Variants in LTAP1 observed in about 807,000 individuals in gnomAD.
The protein encoded by LTAP1 is HCV NS5A-transactivated protein 4.
chr1:154,220,424 G>A, the LTAP1 span: 2 of 1,614,148 alleles, frequency 1.2e-6, no homozygotes, highest in African/African-American at 1.3e-5. Context: ...CCTACCTCGC[G>A]CAGAATTGTT....
chr1:154,211,321 ATTCT>A, the LTAP1 span, among the ~76,000 whole-genome samples: 1 of 92,824 alleles, frequency 1.1e-5, no homozygotes, highest in African/African-American at 4.7e-5. Flanking sequence ...ATGTTATTTA[ATTCT>A]TTTTTTTTTT....
the LTAP1 span, among the ~76,000 whole-genome samples, chr1:154,215,645 TCTTAC>T: frequency 6.6e-6 from 1 of 152,026 alleles, no homozygotes; most frequent in Non-Finnish European, 1.5e-5. Flanking sequence ...TATTAATCTC[TCTTAC>T]CTAAGAGGGT....
chr1:154,210,507 T>G, the LTAP1 span, among the ~76,000 whole-genome samples: 1 of 152,148 alleles, frequency 6.6e-6, no homozygotes, highest in Non-Finnish European at 1.5e-5. Context: ...AGATGGAGTC[T>G]CGCTCTGTCG....
the LTAP1 span, chr1:154,219,838 T>C: frequency 6.2e-7 from 1 of 1,605,292 alleles, no homozygotes; most frequent in East Asian, 2.2e-5. Flanking sequence ...GGACCTACCT[T>C]GGGGGCATTG....
the LTAP1 span, chr1:154,207,379 G>T: frequency 6.9e-7 from 1 of 1,443,850 alleles, no homozygotes. Flanking sequence ...TGTTCCGAGG[G>T]CGGCCCGGCA....
chr1:154,208,895 A>G, the LTAP1 span, among the ~76,000 whole-genome samples: 1 of 152,072 alleles, frequency 6.6e-6, no homozygotes, highest in Admixed American at 6.6e-5. Context: ...TTGCAGGTGC[A>G]TACCACAATG....
chr1:154,207,422 C>T, the LTAP1 span: 16 of 1,610,404 alleles, frequency 9.9e-6, no homozygotes, highest in South Asian at 1.5e-4. Flanking sequence ...AACTGACTGG[C>T]TTAATCTACG....
the LTAP1 span, among the ~76,000 whole-genome samples, chr1:154,216,423 C>T: frequency 6.6e-6 from 1 of 152,134 alleles, no homozygotes; most frequent in African/African-American, 2.4e-5. Context: ...TAACCTCCAC[C>T]TCCTGAGCTC....
At chr1:154,207,873 G>A in the LTAP1 span, among the ~76,000 whole-genome samples, 1 of 152,086 alleles carries the variant, frequency 6.6e-6, no homozygotes. Flanking sequence ...GGCCCAGGCA[G>A]GTGGATTGTT....
the LTAP1 span, among the ~76,000 whole-genome samples, chr1:154,219,015 A>G: frequency 6.6e-6 from 1 of 152,330 alleles, no homozygotes; most frequent in South Asian, 2.1e-4. Flanking sequence ...AAAGGGTGGA[A>G]AATTCAGCCA....
chr1:154,220,369 G>A, the LTAP1 span: 5 of 1,614,238 alleles, frequency 3.1e-6, no homozygotes, highest in South Asian at 4.4e-5. Context: ...TCACCAGCAC[G>A]ACATTCACCC....
At chr1:154,210,824 T>C in the LTAP1 span, among the ~76,000 whole-genome samples, 2 of 148,864 alleles carry the variant, frequency 1.3e-5, no homozygotes, top group East Asian at 3.9e-4. Flanking sequence ...AGAACTTTGA[T>C]TTTAACATTT....
the LTAP1 span, chr1:154,219,867 G>A: frequency 5.6e-6 from 9 of 1,613,598 alleles, no homozygotes; most frequent in Admixed American, 1.7e-5. Flanking sequence ...AGGGACATGA[G>A]GTCCCCTTCG....
chr1:154,214,852 T>G, the LTAP1 span, among the ~76,000 whole-genome samples: 3 of 151,850 alleles, frequency 2.0e-5, no homozygotes, highest in African/African-American at 7.3e-5. Flanking sequence ...CAATTTTTTT[T>G]TTTTTTTTTT....
chr1:154,217,182 C>G, the LTAP1 span, among the ~76,000 whole-genome samples: 1 of 151,514 alleles, frequency 6.6e-6, no homozygotes. Context: ...CTCCTGACCT[C>G]AGGTGATCCA....
chr1:154,207,224 G>C, the LTAP1 span: 1 of 406,664 alleles, frequency 2.5e-6, no homozygotes, highest in Non-Finnish European at 4.4e-6. Flanking sequence ...CCAGAAAAAA[G>C]CGCTACTGGG....
At chr1:154,219,990 T>TG in the LTAP1 span, 1 of 1,443,816 alleles carries the variant, frequency 6.9e-7, no homozygotes, top group East Asian at 2.3e-5. Flanking sequence ...TTGTTTTGTT[T>TG]TTTTTTTAAA....
the LTAP1 span, among the ~76,000 whole-genome samples, chr1:154,216,532 G>A: frequency 1.3e-5 from 2 of 151,086 alleles, no homozygotes; most frequent in Non-Finnish European, 2.9e-5. Context: ...TTGAGATGGA[G>A]TCTTGCTCTG....
At chr1:154,218,263 C>T in the LTAP1 span, among the ~76,000 whole-genome samples, 1 of 152,206 alleles carries the variant, frequency 6.6e-6, no homozygotes, top group South Asian at 2.1e-4. Context: ...CATGTGCAAT[C>T]TTACCAGACA....
Sources: gnomAD v4.1 joint callset for allele counts (sites outside exome capture counted in the v4.1 genomes callset) on GRCh38, gnomAD v4.1.1 for gene constraint, MANE v1.5 for transcripts, NCBI Gene and HGNC (gene_info 2026-07-23, HGNC 2026-07-21) for gene names.